USP22: variants seen among roughly 807,000 people sequenced by gnomAD.
USP22 encodes the protein ubiquitin carboxyl-terminal hydrolase 22.
In USP22, 22 loss-of-function variants were observed where a neutral mutation model predicts 68.1. The observed-to-expected ratio is 0.32, with a 90% CI of 0.23 to 0.46. USP22 has a LOEUF of 0.46. Ranked by LOEUF, USP22 falls within the 20% of genes least tolerant of loss-of-function variation. The pLI, the probability that USP22 is intolerant of heterozygous loss-of-function variation, is 1.00. For synonymous variants in USP22, 279 were observed against 274.2 expected (o/e 1.02, Z -0.17); for missense variants, 433 against 695.8 (o/e 0.62, Z 4.25).
intron 1 of USP22, among the ~76,000 whole-genome samples, chr17:21,033,589 A>T (rs1972318343): frequency 6.6e-6 from 1 of 152,112 alleles, no homozygotes; most frequent in Non-Finnish European, 1.5e-5. Context: ...GTGTGCAAAC[A>T]TGACACACCA....
At chr17:21,017,397 C>T (rs772748473) in intron 5 of USP22, among the ~76,000 whole-genome samples, 28 of 152,352 alleles carry the variant, frequency 1.8e-4, no homozygotes, top group Middle Eastern at 3.4e-3. Context: ...AGGGCTGAGG[C>T]GGCAGCCGTG....
rs1383109699 is a variant in USP22 at position 21,000,510 on chromosome 17, G to A, written c.*2521C>T. On this transcript the variant is annotated 3_prime_UTR_variant, in exon 13 of 13. Coordinates refer to ENST00000261497, the MANE Select transcript of USP22 (RefSeq NM_015276.2). ...CCATGTGACTCCATCTCTCTTCCCA[G>A]TTCTAATGTTCTCAGAACAGCAGCC... is the stretch of plus-strand genomic sequence containing the variant. 6.6e-6 allele frequency: 1 copy of A among 152,248 alleles called. No individual in the cohort carries two copies. Among genetic ancestry groups the A allele is most frequent in the Non-Finnish European group, 1.5e-5 (1 of 68,096 alleles). 9.4% of individuals were successfully genotyped at this position (152,248 alleles called of 1,614,324 possible). A position where few individuals can be genotyped will look rare whatever the true frequency, so the allele number is the denominator to read the frequency against.
chr17:21,040,881 G>A (rs544377028), intron 1 of USP22, among the ~76,000 whole-genome samples: 4 of 130,042 alleles, frequency 3.1e-5, no homozygotes, highest in Non-Finnish European at 6.4e-5. Context: ...CTTCAACCAG[G>A]CCACCCTTTT....
chr17:21,008,619 G>A (rs558251897), intron 8 of USP22, among the ~76,000 whole-genome samples: 2 of 152,164 alleles, frequency 1.3e-5, no homozygotes, highest in Non-Finnish European at 2.9e-5. Flanking sequence ...GGGTGGTGAG[G>A]GAGGAGGCAC....
At chr17:21,010,104 C>T (rs11652214) in intron 8 of USP22, among the ~76,000 whole-genome samples, 13 of 152,114 alleles carry the variant, frequency 8.5e-5, no homozygotes, top group Non-Finnish European at 1.5e-4. Context: ...ATCGAGGTTG[C>T]AGTGAGCTAT....
intron 5 of USP22, among the ~76,000 whole-genome samples, chr17:21,017,673 ACAAATGT>A (rs1367371198): frequency 6.6e-6 from 1 of 152,190 alleles, no homozygotes; most frequent in East Asian, 1.9e-4. Flanking sequence ...GTCTTTAGAG[ACAAATGT>A]CACCCACCAG....
intron 9 of USP22, among the ~76,000 whole-genome samples, chr17:21,007,444 C>T (rs989135899): frequency 2.0e-5 from 3 of 152,100 alleles, no homozygotes; most frequent in Admixed American, 1.3e-4. Flanking sequence ...AACAGAGAAT[C>T]GTATGATCGC....
At chr17:21,035,778 C>T (rs1212981120) in intron 1 of USP22, among the ~76,000 whole-genome samples, 1 of 152,060 alleles carries the variant, frequency 6.6e-6, no homozygotes, top group East Asian at 1.9e-4. Context: ...CGCCTGTAAT[C>T]CCAGCACTTC....
chr17:21,038,889 TAAC>T (rs1282272837), intron 1 of USP22, among the ~76,000 whole-genome samples: 1 of 152,168 alleles, frequency 6.6e-6, no homozygotes, highest in East Asian at 1.9e-4. Context: ...TTGTTATATT[TAAC>T]ACACACCAAA....
intron 3 of USP22, 53 bp from the exon 4 acceptor site, chr17:21,019,238 G>A: frequency 1.3e-6 from 2 of 1,558,168 alleles, no homozygotes; most frequent in South Asian, 1.1e-5. Flanking sequence ...TTCACATCAA[G>A]TGTGTTTACA....
At chr17:21,027,954 C>T (rs549388715) in intron 2 of USP22, among the ~76,000 whole-genome samples, 5 of 152,092 alleles carry the variant, frequency 3.3e-5, no homozygotes, top group Middle Eastern at 3.4e-3. Flanking sequence ...GGTGACAGCG[C>T]GAGACTCCAT....
rs765383201 is a variant in USP22 at position 20,999,793 on chromosome 17, C to T, written c.*3238G>A. On this transcript the variant is annotated 3_prime_UTR_variant, in exon 13 of 13. Coordinates refer to ENST00000261497, the MANE Select transcript of USP22 (RefSeq NM_015276.2). ...AAACTTACAGTAAACAAAACAATCA[C>T]TTAAATTGTCAAAAGAACAGCAATT... is the stretch of plus-strand genomic sequence containing the variant. The T allele has an allele frequency of 1.3e-5, 2 of 152,230 alleles. No individual in the cohort carries two copies. The highest frequency in any genetic ancestry group is 2.4e-5 in the African/African-American group (1 of 41,448). The allele number at this position is 152,230 out of a possible 1,614,324, so 9.4% of individuals were successfully genotyped here.
At chr17:21,040,422 T>TAG (rs1972412722) in intron 1 of USP22, among the ~76,000 whole-genome samples, 1 of 152,090 alleles carries the variant, frequency 6.6e-6, no homozygotes, top group Admixed American at 6.5e-5. Flanking sequence ...TAAGGGCTCC[T>TAG]TGCTGGCACA....
intron 1 of USP22, among the ~76,000 whole-genome samples, chr17:21,030,064 C>A (rs1972269274): frequency 6.6e-6 from 1 of 152,156 alleles, no homozygotes; most frequent in Non-Finnish European, 1.5e-5. Flanking sequence ...CCCTCGGTAT[C>A]TAGGAATTGA....
intron 8 of USP22, among the ~76,000 whole-genome samples, chr17:21,009,715 G>C (rs1480847656): frequency 6.6e-6 from 1 of 152,156 alleles, no homozygotes; most frequent in East Asian, 1.9e-4. Flanking sequence ...AGCACTTTGG[G>C]AGGCCAAGGC....
chr17:21,038,640 C>T (rs1281270103), intron 1 of USP22, among the ~76,000 whole-genome samples: 3 of 150,736 alleles, frequency 2.0e-5, no homozygotes, highest in Admixed American at 6.6e-5. Context: ...TGCACTCCAG[C>T]CTGAGTGAGA....
chr17:21,021,364 C>T, intron 2 of USP22, 138 bp from the exon 3 acceptor site: 1 of 642,372 alleles, frequency 1.6e-6, no homozygotes. Context: ...GCAGGGAAGC[C>T]AGTCCAGCGG....
chr17:21,004,327 G>T lies in USP22; in HGVS notation c.1410C>A (p.Asn470Lys), dbSNP rs1421195780. Residue 470 changes from asparagine to lysine, a missense_variant, in exon 12 of 13, where the codon AAC becomes AAA. Physicochemically the swap from Asn to Lys is moderately conservative, Grantham distance 94. This residue lies in a region of USP22 where 178 missense variants were observed against 351.5 expected (regional missense o/e 0.51). Transcript: ENST00000261497. ...DNKYSLFAVV[N>K]HQGTLESGHY... ...GGCCACTCTCCAAGGTCCCTTGATG[G>T]TTAACAACAGCAAACAGGGAATACC... 1 of 1,614,132 alleles carries T rather than the reference G, an allele frequency of 6.2e-7. No homozygotes were observed. Among genetic ancestry groups the T allele is most frequent in the East Asian group, 2.2e-5 (1 of 44,882 alleles).
At chr17:21,009,395 C>T (rs1031454587) in intron 8 of USP22, among the ~76,000 whole-genome samples, 1 of 152,164 alleles carries the variant, frequency 6.6e-6, no homozygotes, top group African/African-American at 2.4e-5. Context: ...GCACCTGTTT[C>T]GTTGCTAGCT....
Sources: allele counts gnomAD v4.1 joint callset (sites outside exome capture counted in the v4.1 genomes callset), GRCh38; gene constraint gnomAD v4.1.1; regional missense constraint gnomAD v4.1.1; transcripts MANE v1.5; gene names NCBI Gene and HGNC (gene_info 2026-07-23, HGNC 2026-07-21).